The following UGT2B17 variants were observed in gnomAD, a reference collection of about 807,000 sequenced individuals.
UGT2B17 encodes UDP-glucuronosyltransferase 2B17.
A neutral mutation model predicts 48.2 loss-of-function variants in UGT2B17; 21 were observed. The observed-to-expected ratio is 0.44, with a 90% CI of 0.31 to 0.63. UGT2B17 has a LOEUF of 0.63. UGT2B17 is among the 20% of genes least tolerant of loss of function. The pLI is 0.08. For synonymous variants in UGT2B17, 146 were observed against 238.4 expected (o/e 0.61, Z 3.57); for missense variants, 402 against 696.1 (o/e 0.58, Z 4.75).
chr4:68,552,225 C>T lies in UGT2B17; in HGVS notation c.1006-314G>A, dbSNP rs932199891. On this transcript the variant is annotated intron_variant, in intron 4 of 6. Coordinates refer to ENST00000317746, the MANE Select transcript of UGT2B17 (RefSeq NM_001077.4). ...TGCTAAAGGGAAAAGTTAAGCTGCT[C>T]AGGGCAAACCTACTTCCCATTCTAT... 7.9e-5 allele frequency among the ~76,000 whole-genome samples: 10 copies of T among 126,486 alleles called. 3 individuals are homozygous for T. Among genetic ancestry groups the T allele is most frequent in the Admixed American group, 7.2e-4 (9 of 12,438 alleles). The allele number at this position is 126,486 out of a possible 152,430, so 83.0% of individuals were successfully genotyped here.
In UGT2B17 at chr4:68,541,462, T is replaced by C. The variant is rs187066151; in HGVS notation, c.1314-3558A>G. ...AATGTATTTTTTTGAGAAGTGTCTG[T>C]TTATATCCTTTGCCCACTTTTTGGT... On this transcript the variant is annotated intron_variant, in intron 6 of 6. Coordinates refer to ENST00000317746, the MANE Select transcript of UGT2B17 (RefSeq NM_001077.4). Among the ~76,000 whole-genome samples the C allele has an allele frequency of 2.7e-3, 336 of 126,772 alleles. 83 individuals are homozygous for C. Among genetic ancestry groups the C allele is most frequent in the Non-Finnish European group, 4.7e-3 (282 of 59,726 alleles). The allele number at this position is 126,772 out of a possible 152,430, so 83.2% of individuals were successfully genotyped here.
chr4:68,538,761 C>T lies in UGT2B17; in HGVS notation c.1314-857G>A, dbSNP rs1261031213. Among the ~76,000 whole-genome samples, 7 of 126,384 alleles carry T rather than the reference C, an allele frequency of 5.5e-5. 2 individuals are homozygous for T. The highest frequency in any genetic ancestry group is 1.4e-4 in the African/African-American group (5 of 36,928). The allele number at this position is 126,384 out of a possible 152,430, so 82.9% of individuals were successfully genotyped here. A position where few individuals can be genotyped will look rare whatever the true frequency, so the allele number is the denominator to read the frequency against. The stretch of plus-strand genomic sequence containing the variant: ...CCAAATCTGTCTGTGGTCTAGAGAA[C>T]GCTACACAGACACCTACTTGTCCTA... On this transcript the variant is annotated intron_variant, in intron 6 of 6. Coordinates refer to ENST00000317746, the MANE Select transcript of UGT2B17 (RefSeq NM_001077.4).
Position 68,547,890 on chromosome 4 carries a change from C to T in UGT2B17, c.1313+2787G>A, listed in dbSNP as rs1730846548. 1.6e-5 allele frequency among the ~76,000 whole-genome samples: 2 copies of T among 126,354 alleles called. 1 individual carries two copies. The highest frequency in any genetic ancestry group is 7.3e-4 in the South Asian group (2 of 2,730). 82.9% of individuals were successfully genotyped at this position (126,354 alleles called of 152,430 possible). ...ACCACAATGAGATACCATCTCACCC[C>T]AGTTAGAATGGCAATCATTAAAAAG... On this transcript the variant is annotated intron_variant, in intron 6 of 6. Transcript: ENST00000317746.
intron 1 of UGT2B17, among the ~76,000 whole-genome samples, chr4:68,570,432 C>T (rs1328619494): frequency 7.9e-6 from 1 of 126,470 alleles, no homozygotes; most frequent in Admixed American, 8.0e-5. Flanking sequence ...CAGGCCCAGG[C>T]CTGGTTTCAG....
intron 1 of UGT2B17, among the ~76,000 whole-genome samples, chr4:68,575,582 G>C (rs189558205): frequency 0.012 from 1,523 of 124,984 alleles, 312 homozygotes; most frequent in African/African-American, 0.04. Flanking sequence ...CATGCTCACA[G>C]CACACACACA....
At chr4:68,571,380 A>G (rs1731295832) in intron 1 of UGT2B17, among the ~76,000 whole-genome samples, 1 of 125,400 alleles carries the variant, frequency 8.0e-6, no homozygotes, top group Non-Finnish European at 1.7e-5. Context: ...GTGTCCACAT[A>G]TATCCAGTAT....
chr4:68,552,640 G>A (rs1358879078), intron 4 of UGT2B17, among the ~76,000 whole-genome samples: 1 of 124,978 alleles, frequency 8.0e-6, no homozygotes, highest in African/African-American at 2.7e-5. Flanking sequence ...TGGTAACCAT[G>A]AAGAGACTCT....
In UGT2B17 at chr4:68,554,537, AT is replaced by A. The variant is rs1295427189; in HGVS notation, c.1006-2627del. ...ACAGGTTTTTGTCTGCAAGCTGGTG[AT>A]TTTTTTTTATCTCATAGCTAAATTT... On this transcript the variant is annotated intron_variant, in intron 4 of 6. Coordinates refer to ENST00000317746, the MANE Select transcript of UGT2B17 (RefSeq NM_001077.4). 7.3e-5 allele frequency among the ~76,000 whole-genome samples: 9 copies of A among 123,716 alleles called. 1 individual carries two copies. The highest frequency in any genetic ancestry group is 1.1e-4 in the African/African-American group (4 of 36,392). 81.2% of individuals were successfully genotyped at this position (123,716 alleles called of 152,430 possible).
intron 3 of UGT2B17, among the ~76,000 whole-genome samples, chr4:68,564,290 A>AT (rs1413452406): frequency 8.9e-5 from 8 of 89,630 alleles, no homozygotes; most frequent in African/African-American, 1.7e-4. Context: ...ATATATATAT[A>AT]TATATTTTTT....
chr4:68,553,586 T>C (rs1257776247), intron 4 of UGT2B17, among the ~76,000 whole-genome samples: 1 of 125,344 alleles, frequency 8.0e-6, no homozygotes, highest in Non-Finnish European at 1.7e-5. Context: ...GCTTCGAGAT[T>C]ACCACAGATT....
In UGT2B17 at chr4:68,575,993, G is replaced by T. The variant is rs575796117; in HGVS notation, c.-107C>A. Among the ~76,000 whole-genome samples, 2 of 126,584 alleles carry T rather than the reference G, an allele frequency of 1.6e-5. 1 individual carries two copies. The highest frequency in any genetic ancestry group is 7.1e-4 in the South Asian group (2 of 2,800). The allele number at this position is 126,584 out of a possible 152,430, so 83.0% of individuals were successfully genotyped here. A position where few individuals can be genotyped will look rare whatever the true frequency, so the allele number is the denominator to read the frequency against. ...GACTCCAAGTGCCAGTTCCTTCCCG[G>T]TGTTCAGCCACTGTGTTAATCCTCC... On this transcript the variant is annotated 5_prime_UTR_variant, in exon 1 of 7. Transcript: ENST00000317746.
intron 3 of UGT2B17, among the ~76,000 whole-genome samples, chr4:68,563,935 A>T (rs1731147397): frequency 1.6e-5 from 2 of 125,920 alleles, no homozygotes; most frequent in Non-Finnish European, 1.7e-5. Flanking sequence ...GCTAATTTAA[A>T]ATATTAGAAA....
rs1385195848 is a variant in UGT2B17, at chr4:68,540,184, T to TAC, written c.1314-2282_1314-2281dup. Among the ~76,000 whole-genome samples, 2 of 126,414 alleles carry TAC rather than the reference T, an allele frequency of 1.6e-5. 1 individual carries two copies. Among genetic ancestry groups the TAC allele is most frequent in the African/African-American group, 5.4e-5 (2 of 37,104 alleles). 82.9% of individuals were successfully genotyped at this position (126,414 alleles called of 152,430 possible). On this transcript the variant is annotated intron_variant, in intron 6 of 6. Transcript: ENST00000317746. ...TATACAGATATATGTGCAATATATA[T>TAC]ACACACACACACATATAACACATAG...
intron 1 of UGT2B17, among the ~76,000 whole-genome samples, chr4:68,572,330 C>T (rs1320102313): frequency 8.0e-6 from 1 of 125,686 alleles, no homozygotes; most frequent in Non-Finnish European, 1.7e-5. Context: ...AAGGAGCAGT[C>T]CTTAATTTTA....
chr4:68,544,029 C>T lies in UGT2B17; in HGVS notation c.1314-6125G>A, dbSNP rs1313479913. 1.6e-5 allele frequency among the ~76,000 whole-genome samples: 2 copies of T among 126,372 alleles called. 1 individual carries two copies. Among genetic ancestry groups the T allele is most frequent in the East Asian group, 1.5e-3 (2 of 1,332 alleles). The allele number at this position is 126,372 out of a possible 152,430, so 82.9% of individuals were successfully genotyped here. A position where few individuals can be genotyped will look rare whatever the true frequency, so the allele number is the denominator to read the frequency against. Reference sequence around the variant, plus strand: ...CTCTGCAGGTTATCATCCAGGAGAGCTTCCCCAATCTAGCAAGGCAGGCTG... The same window carrying T: ...CTCTGCAGGTTATCATCCAGGAGAGTTTCCCCAATCTAGCAAGGCAGGCTG... On this transcript the variant is annotated intron_variant, in intron 6 of 6. Transcript: ENST00000317746.
In UGT2B17 at chr4:68,537,273, G is replaced by T. The variant is rs1482157366; in HGVS notation, c.*352C>A. On this transcript the variant is annotated 3_prime_UTR_variant, in exon 7 of 7. Transcript: ENST00000317746. ...ATATTCTGAGTATTTGCAAAACAATGTTGATACTATGAGTGGAGTTGTTAA... is the reference window on the plus strand; with the variant it reads ...ATATTCTGAGTATTTGCAAAACAATTTTGATACTATGAGTGGAGTTGTTAA... 1 of 135,936 alleles carries T rather than the reference G, an allele frequency of 7.4e-6. No homozygotes were observed. The allele number at this position is 135,936 out of a possible 1,614,324, so 8.4% of individuals were successfully genotyped here.
chr4:68,564,737 G>A (rs114107217), intron 3 of UGT2B17, among the ~76,000 whole-genome samples: 2,574 of 125,204 alleles, frequency 0.021, 597 homozygotes, highest in East Asian at 0.062. Context: ...GTCTCACTCC[G>A]TCGCACAGGC....
chr4:68,556,204 A>G lies in UGT2B17; in HGVS notation c.1006-4293T>C, dbSNP rs1341875958. On this transcript the variant is annotated intron_variant, in intron 4 of 6. Coordinates refer to ENST00000317746, the MANE Select transcript of UGT2B17 (RefSeq NM_001077.4). ...GATGTAAAAAAAGCACTTATGCACT[A>G]AATAATTGGTTAGAACAATAACATT... Among the ~76,000 whole-genome samples the G allele has an allele frequency of 1.1e-4, 14 of 125,070 alleles. 5 individuals are homozygous for G. In the South Asian group the frequency reaches 2.9e-3, roughly 26 times the overall value. The allele number at this position is 125,070 out of a possible 152,430, so 82.1% of individuals were successfully genotyped here. A position where few individuals can be genotyped will look rare whatever the true frequency, so the allele number is the denominator to read the frequency against.
chr4:68,538,187 T>G (rs1730589239), intron 6 of UGT2B17, among the ~76,000 whole-genome samples: 1 of 125,412 alleles, frequency 8.0e-6, no homozygotes, highest in Admixed American at 8.2e-5. Flanking sequence ...TTCTAAGTGC[T>G]ATAAGTAAGA....
Sources: gnomAD v4.1 joint callset for allele counts (sites outside exome capture counted in the v4.1 genomes callset) on GRCh38, gnomAD v4.1.1 for gene constraint, MANE v1.5 for transcripts, NCBI Gene and HGNC (gene_info 2026-07-23, HGNC 2026-07-21) for gene names.